The following PDE4B variants were observed in gnomAD, a reference collection of about 807,000 sequenced individuals.
The protein encoded by PDE4B is phosphodiesterase 4B, also known as 3',5'-cyclic-AMP phosphodiesterase 4B.
A neutral mutation model predicts 82.2 loss-of-function variants in PDE4B; 20 were observed. The observed-to-expected ratio is 0.24, with a 90% CI of 0.17 to 0.35. PDE4B has a LOEUF of 0.35. Among genes scored for constraint, PDE4B ranks in the 10% least tolerant of loss-of-function variants. PDE4B has a pLI of 1.00. For synonymous variants in PDE4B, 320 were observed against 318.9 expected (o/e 1.00, Z -0.04); for missense variants, 655 against 907.2 (o/e 0.72, Z 3.57).
At chr1:65,989,333 C>T (rs532347309) in intron 3 of PDE4B, among the ~76,000 whole-genome samples, 2 of 152,070 alleles carry the variant, frequency 1.3e-5, no homozygotes, top group Admixed American at 1.3e-4. Context: ...AAACCTGTCT[C>T]TACTAAGAAT....
chr1:65,848,361 G>T (rs1465065783), intron 1 of PDE4B, among the ~76,000 whole-genome samples: 1 of 152,056 alleles, frequency 6.6e-6, no homozygotes, highest in African/African-American at 2.4e-5. Context: ...GGCCAGGATG[G>T]TCTCGATCTC....
At chr1:65,980,062 A>T (rs1650606475) in intron 3 of PDE4B, among the ~76,000 whole-genome samples, 1 of 152,204 alleles carries the variant, frequency 6.6e-6, no homozygotes, top group African/African-American at 2.4e-5. Flanking sequence ...AAAAGCAAAC[A>T]GATCCTGAAG....
chr1:65,990,186 G>A (rs968103828), intron 3 of PDE4B, among the ~76,000 whole-genome samples: 3 of 152,064 alleles, frequency 2.0e-5, no homozygotes, highest in Non-Finnish European at 4.4e-5. Flanking sequence ...GGAATCCCAC[G>A]TGATGGCACA....
intron 3 of PDE4B, among the ~76,000 whole-genome samples, chr1:65,931,568 T>C (rs574893575): frequency 6.6e-6 from 1 of 152,284 alleles, no homozygotes; most frequent in South Asian, 2.1e-4. Context: ...AATTTGAAAT[T>C]ATAATAATAA....
intron 3 of PDE4B, among the ~76,000 whole-genome samples, chr1:66,192,374 G>A (rs988589332): frequency 1.3e-5 from 2 of 151,976 alleles, no homozygotes; most frequent in East Asian, 1.9e-4. Context: ...AGACTCAACC[G>A]AACTGATCTC....
intron 3 of PDE4B, among the ~76,000 whole-genome samples, chr1:66,141,983 A>G (rs1285124437): frequency 6.6e-6 from 1 of 152,190 alleles, no homozygotes; most frequent in Non-Finnish European, 1.5e-5. Context: ...TGTTGCTCAG[A>G]AGCCTCGCAG....
At chr1:66,362,083 C>T (rs1180876869) in intron 10 of PDE4B, among the ~76,000 whole-genome samples, 1 of 152,006 alleles carries the variant, frequency 6.6e-6, no homozygotes, top group Admixed American at 6.6e-5. Context: ...ATCCTTTTTC[C>T]ATACCAAAGA....
intron 7 of PDE4B, among the ~76,000 whole-genome samples, chr1:66,291,636 T>C (rs973786416): frequency 1.3e-5 from 2 of 152,196 alleles, no homozygotes; most frequent in African/African-American, 4.8e-5. Context: ...TGTTGGTTTT[T>C]TGCAAGCCTG....
chr1:66,345,349 GAA>G (rs1661314888), intron 8 of PDE4B, among the ~76,000 whole-genome samples: 1 of 152,148 alleles, frequency 6.6e-6, no homozygotes, highest in East Asian at 1.9e-4. Context: ...AGAAATCAGC[GAA>G]GTCTTGTTTT....
intron 1 of PDE4B, among the ~76,000 whole-genome samples, chr1:65,803,683 G>A (rs1462744363): frequency 2.0e-5 from 3 of 152,106 alleles, no homozygotes; most frequent in Non-Finnish European, 2.9e-5. Flanking sequence ...TAAAATGTAC[G>A]ATTCCAGTGC....
At chr1:66,222,258 C>T (rs553555069) in intron 3 of PDE4B, among the ~76,000 whole-genome samples, 1 of 152,184 alleles carries the variant, frequency 6.6e-6, no homozygotes, top group Non-Finnish European at 1.5e-5. Context: ...TTCCCAACAA[C>T]TTCTGCTTAT....
intron 3 of PDE4B, among the ~76,000 whole-genome samples, chr1:66,174,167 T>C (rs1646888450): frequency 6.6e-6 from 1 of 152,186 alleles, no homozygotes; most frequent in Non-Finnish European, 1.5e-5. Context: ...GAAAATAAAA[T>C]GGAACTCTAC....
At chr1:66,047,398 T>C (rs1029068939) in intron 3 of PDE4B, among the ~76,000 whole-genome samples, 3 of 151,888 alleles carry the variant, frequency 2.0e-5, no homozygotes, top group African/African-American at 4.8e-5. Flanking sequence ...GTGGCTGTTA[T>C]TGTTGTTATC....
At chr1:66,012,937 A>C (rs1267243299) in intron 3 of PDE4B, among the ~76,000 whole-genome samples, 1 of 152,100 alleles carries the variant, frequency 6.6e-6, no homozygotes, top group African/African-American at 2.4e-5. Context: ...TAACTTTATG[A>C]ATACGGTACT....
intron 3 of PDE4B, among the ~76,000 whole-genome samples, chr1:66,139,127 C>A (rs544752608): frequency 6.6e-6 from 1 of 152,300 alleles, no homozygotes; most frequent in African/African-American, 2.4e-5. Context: ...GAATACCAAC[C>A]ACTTATTGTC....
chr1:66,055,740 A>C (rs1655258423), intron 3 of PDE4B, among the ~76,000 whole-genome samples: 1 of 152,216 alleles, frequency 6.6e-6, no homozygotes, highest in Non-Finnish European at 1.5e-5. Context: ...TTTTCATCAA[A>C]AATGATGCAT....
At chr1:65,927,286 G>C (rs1168894129) in intron 3 of PDE4B, among the ~76,000 whole-genome samples, 1 of 151,424 alleles carries the variant, frequency 6.6e-6, no homozygotes, top group African/African-American at 2.4e-5. Context: ...TGCACTGGGT[G>C]GTTATAGTAT....
chr1:65,933,498 G>T (rs1339902606), intron 3 of PDE4B, among the ~76,000 whole-genome samples: 1 of 152,082 alleles, frequency 6.6e-6, no homozygotes, highest in African/African-American at 2.4e-5. Context: ...TTAAAGACCA[G>T]CCTGGCCAAT....
intron 1 of PDE4B, among the ~76,000 whole-genome samples, chr1:65,805,922 G>A (rs1387961483): frequency 1.3e-5 from 2 of 152,094 alleles, no homozygotes; most frequent in Non-Finnish European, 2.9e-5. Context: ...GAAATTTCAA[G>A]ATTATGTACC....
Sources: allele counts gnomAD v4.1 joint callset (sites outside exome capture counted in the v4.1 genomes callset), GRCh38; gene constraint gnomAD v4.1.1; transcripts MANE v1.5; gene names NCBI Gene and HGNC (gene_info 2026-07-23, HGNC 2026-07-21).